UBAP2L: variants seen among roughly 807,000 people sequenced by gnomAD.
The protein encoded by UBAP2L is ubiquitin-associated protein 2-like.
UBAP2L carries 12 observed loss-of-function variants against 130.6 expected under a neutral mutation model. The ratio of observed to expected loss-of-function variants is 0.09; its 90% CI spans 0.06 to 0.15. UBAP2L has a LOEUF of 0.15. Among genes scored for constraint, UBAP2L ranks in the 10% least tolerant of loss-of-function variants. The pLI is 1.00. For missense variants in UBAP2L, 965 were observed against 1,332.5 expected, an observed-to-expected ratio of 0.72 and a Z score of 4.29; for synonymous variants, 503 against 524.7, an observed-to-expected ratio of 0.96 and a Z score of 0.57.
rs747349385 is a variant in UBAP2L at position 154,260,929 on chromosome 1, C to T, written c.2616C>T (p.Ser872=). The change falls in exon 23 of 27, where the codon TCC becomes TCT. Residue 872 remains serine, a synonymous_variant. Transcript: ENST00000428931. ...AGTTCGGCCGTGGGGATGCCTCCTC[C>T]CCAGCCCCGGCCACAACCTTGGCCC... ...LTKFGRGDAS[S]PAPATTLAQP... is the part of the protein sequence containing the mutation. 13 of 1,614,234 alleles carry T rather than the reference C, an allele frequency of 8.1e-6. No homozygotes were observed. The highest frequency in any genetic ancestry group is 1.1e-5 in the South Asian group (1 of 91,088).
At chr1:154,244,202 A>G (rs1205332407) in intron 10 of UBAP2L, among the ~76,000 whole-genome samples, 4 of 152,134 alleles carry the variant, frequency 2.6e-5, no homozygotes, top group Non-Finnish European at 5.9e-5. Flanking sequence ...GACGTTAACT[A>G]CCCAGAGTTA....
intron 9 of UBAP2L, among the ~76,000 whole-genome samples, chr1:154,242,376 A>C (rs1673865121): frequency 6.6e-6 from 1 of 152,226 alleles, no homozygotes; most frequent in Non-Finnish European, 1.5e-5. Context: ...GGGTTTTTTA[A>C]ATTTCAGAGG....
intron 20 of UBAP2L, 152 bp downstream of exon 20, chr1:154,257,586 T>C: frequency 1.3e-6 from 1 of 762,306 alleles, no homozygotes; most frequent in Non-Finnish European, 2.1e-6. Context: ...ATATGAGTTT[T>C]GCATTCTGTA....
Position 154,225,207 on chromosome 1 carries a change from G to A in UBAP2L, c.84G>A (p.Arg28=). Residue 28 remains arginine, a synonymous_variant, in exon 2 of 27, where the codon CGG becomes CGA. Coordinates refer to ENST00000428931, the MANE Select transcript of UBAP2L (RefSeq NM_014847.4). ...QNQNQTQHKQ[R]PQATAEQIRL... is the part of the protein sequence containing the mutation. ...AAAACCAGACACAGCACAAGCAGCG[G>A]CCACAGGTAAATAATCCAAGGCATA... is the stretch of plus-strand genomic sequence containing the variant. 1 of 1,614,010 alleles carries A rather than the reference G, an allele frequency of 6.2e-7. No homozygotes were observed. The highest frequency in any genetic ancestry group is 8.5e-7 in the Non-Finnish European group (1 of 1,179,966).
In UBAP2L at chr1:154,251,134, A is replaced by G; in HGVS notation, c.1307A>G (p.Gln436Arg). The G allele has an allele frequency of 6.2e-7, 1 of 1,614,136 alleles. No homozygotes were observed. The highest frequency in any genetic ancestry group is 8.5e-7 in the Non-Finnish European group (1 of 1,180,030). The change falls in exon 13 of 27, where the codon CAG (glutamine) becomes CGG (arginine). Residue 436 changes from glutamine (Q) to arginine (R), a missense_variant. Physicochemically the swap from Gln to Arg is conservative, Grantham distance 43. This residue lies in a region of UBAP2L where 74 missense variants were observed against 97.1 expected (regional missense o/e 0.76). Transcript: ENST00000428931. ...PSSTMMEVFL[Q>R]EKSPAVATST... ...TCAACCATGATGGAGGTGTTCCTTC[A>G]GGAGAAGTCACCTGCAGTGGCTACC...
chr1:154,248,306 A>G (rs1676291603), intron 11 of UBAP2L, among the ~76,000 whole-genome samples: 1 of 152,178 alleles, frequency 6.6e-6, no homozygotes, highest in African/African-American at 2.4e-5. Flanking sequence ...CATGGAGAAA[A>G]CAATCAAATC....
chr1:154,260,083 T>C, intron 22 of UBAP2L, 54 bp downstream of exon 22: 1 of 1,554,514 alleles, frequency 6.4e-7, no homozygotes, highest in East Asian at 2.2e-5. Context: ...TTGGGATTGA[T>C]GGCAGACACC....
At chr1:154,229,095 T>G (rs79819359) in intron 4 of UBAP2L, among the ~76,000 whole-genome samples, 1 of 150,048 alleles carries the variant, frequency 6.7e-6, no homozygotes, top group Admixed American at 6.6e-5. Context: ...CTTGATTCTG[T>G]TTTTTTTTCT....
At chr1:154,263,395 G>A in intron 24 of UBAP2L, 2 of 1,298,638 alleles carry the variant, frequency 1.5e-6, no homozygotes, top group East Asian at 6.3e-5. Context: ...CACCTTCGAA[G>A]CATCAATGCA....
chr1:154,240,943 C>CCG lies in UBAP2L; in HGVS notation c.704-569_704-568insGC, dbSNP rs562734367. Among the ~76,000 whole-genome samples the CCG allele has an allele frequency of 6.4e-3, 754 of 117,044 alleles. 12 individuals are homozygous for CCG. The highest frequency in any genetic ancestry group is 0.039 in the Middle Eastern group (7 of 180). 76.8% of individuals were successfully genotyped at this position (117,044 alleles called of 152,430 possible). On this transcript the variant is annotated intron_variant, in intron 8 of 26. Coordinates refer to ENST00000428931, the MANE Select transcript of UBAP2L (RefSeq NM_014847.4). ...GGGTGGTTGTCTGTCTGTCCCCCCC[C>CCG]CCACCCCCATTCCTGCTTTGTAACA...
Position 154,261,688 on chromosome 1 carries a change from T to C in UBAP2L, c.2893T>C (p.Tyr965His). Residue 965 changes from tyrosine (Y) to histidine (H), a missense_variant, in exon 24 of 27, where the codon TAC becomes CAC. By Grantham distance (83) the Tyr-to-His change is moderately conservative. Coordinates refer to ENST00000428931, the MANE Select transcript of UBAP2L (RefSeq NM_014847.4). ...GCCGAGTGGATATGGGTCTCATGGA[T>C]ACAACACTGGTAAGCTGACCTTGTC... The part of the protein sequence containing the change: ...QQPSGYGSHG[Y>H]NTGVSVTSSN... 6.2e-7 allele frequency: 1 copy of C among 1,614,150 alleles called. No individual in the cohort carries two copies.
At chr1:154,223,644 G>C (rs1415329234) in intron 1 of UBAP2L, among the ~76,000 whole-genome samples, 1 of 151,958 alleles carries the variant, frequency 6.6e-6, no homozygotes, top group Non-Finnish European at 1.5e-5. Flanking sequence ...AATATGTGTA[G>C]GGGGAAGAGG....
chr1:154,255,136 TC>T lies in UBAP2L; in HGVS notation c.1910-15del. The T allele has an allele frequency of 1.2e-6, 2 of 1,613,232 alleles. No individual in the cohort carries two copies. Among genetic ancestry groups the T allele is most frequent in the Non-Finnish European group, 1.7e-6 (2 of 1,179,560 alleles). On this transcript the variant is annotated splice_polypyrimidine_tract_variant and intron_variant, in intron 16 of 26. Coordinates refer to ENST00000428931, the MANE Select transcript of UBAP2L (RefSeq NM_014847.4). ...TTTTTTCTGATGAGAGGAATTCCTT[TC>T]TTCTAAATTTCTAGGTGCTACAGGC...
rs1683581242 is a variant in UBAP2L at position 154,267,368 on chromosome 1, C to T, written c.2970+800C>T. Among the ~76,000 whole-genome samples the T allele has an allele frequency of 1.3e-5, 2 of 151,908 alleles. 1 individual carries two copies. The highest frequency in any genetic ancestry group is 1.3e-4 in the Admixed American group (2 of 15,236). Reference sequence around the variant, plus strand: ...ACGGGGTTTCACCATCTTGGCTAGGCTGGTCTCGAACTCCTGACATCATGA... The same window carrying T: ...ACGGGGTTTCACCATCTTGGCTAGGTTGGTCTCGAACTCCTGACATCATGA... On this transcript the variant is annotated intron_variant, in intron 25 of 26. Transcript: ENST00000428931.
intron 11 of UBAP2L, 107 bp downstream of exon 11, chr1:154,246,482 C>G (rs1324088363): frequency 1.9e-5 from 25 of 1,288,776 alleles, no homozygotes; most frequent in African/African-American, 3.0e-5. Flanking sequence ...GAAGCATCCT[C>G]TTTGTCTTCT....
intron 22 of UBAP2L, among the ~76,000 whole-genome samples, chr1:154,260,406 G>C (rs138433491): frequency 2.0e-5 from 3 of 152,330 alleles, no homozygotes; most frequent in African/African-American, 7.2e-5. Flanking sequence ...AAATACAGTG[G>C]TTGAGGTGGT....
chr1:154,227,871 CTTTG>C (rs1389566977), intron 3 of UBAP2L, among the ~76,000 whole-genome samples: 2 of 152,076 alleles, frequency 1.3e-5, no homozygotes, highest in Non-Finnish European at 2.9e-5. Context: ...TGGATAGATA[CTTTG>C]TTTGGAAATT....
At chr1:154,238,356 T>C (rs1023055637) in intron 8 of UBAP2L, among the ~76,000 whole-genome samples, 1 of 152,244 alleles carries the variant, frequency 6.6e-6, no homozygotes, top group African/African-American at 2.4e-5. Context: ...CATTCATCTC[T>C]TGATGGCTTT....
chr1:154,241,437 A>G (rs1392015083), intron 8 of UBAP2L, 76 bp from the exon 9 acceptor site: 4 of 1,474,242 alleles, frequency 2.7e-6, no homozygotes, highest in Non-Finnish European at 3.8e-6. Flanking sequence ...AAAAATTAAT[A>G]CATTGATGTT....
Sources: allele counts gnomAD v4.1 joint callset (sites outside exome capture counted in the v4.1 genomes callset), GRCh38; gene constraint gnomAD v4.1.1; regional missense constraint gnomAD v4.1.1; transcripts MANE v1.5; gene names NCBI Gene and HGNC (gene_info 2026-07-23, HGNC 2026-07-21).